The following DHRS12 variants were observed in gnomAD, a reference collection of about 807,000 sequenced individuals.
DHRS12 encodes dehydrogenase/reductase 12.
DHRS12 carries 29 observed loss-of-function variants against 32.1 expected under a neutral mutation model. The ratio of observed to expected loss-of-function variants is 0.90; its 90% CI spans 0.67 to 1.23. The LOEUF (loss-of-function observed/expected upper bound fraction) is 1.23. DHRS12 is among the 50% of genes most tolerant of loss of function. The pLI is 0.00. For synonymous variants in DHRS12, 150 were observed against 135.9 expected (o/e 1.10, Z -0.72); for missense variants, 330 against 337.2 (o/e 0.98, Z 0.17).
At chr13:51,761,873 C>G in the DHRS12 span, 1 of 152,216 alleles carries the variant, frequency 6.6e-6, no homozygotes, top group Non-Finnish European at 1.5e-5. Flanking sequence ...GAGGCACACA[C>G]GCATGCCCCG....
chr13:51,800,212 G>A (rs1955690034), intron 1 of DHRS12, among the ~76,000 whole-genome samples: 1 of 152,230 alleles, frequency 6.6e-6, no homozygotes. Flanking sequence ...TCTAGGGAGT[G>A]CCATTCGGAT....
intron 4 of DHRS12, among the ~76,000 whole-genome samples, chr13:51,785,894 C>G (rs1954932854): frequency 6.6e-6 from 1 of 152,214 alleles, no homozygotes; most frequent in Admixed American, 6.5e-5. Flanking sequence ...TACCTCTGAG[C>G]CTCAGTTTCC....
intron 4 of DHRS12, among the ~76,000 whole-genome samples, chr13:51,787,929 ACT>A (rs869291911): frequency 2.7e-4 from 5 of 18,272 alleles, no homozygotes; most frequent in Non-Finnish European, 4.6e-4. Flanking sequence ...TATAATATAT[ACT>A]TATATATATA....
In DHRS12 at chr13:51,797,034, T is replaced by C. The variant is rs373342337; in HGVS notation, c.126+2500A>G. 1.4e-4 allele frequency among the ~76,000 whole-genome samples: 22 copies of C among 152,270 alleles called. No individual in the cohort carries two copies. The East Asian group carries it at 4.1e-3, about 28-fold the overall frequency. On this transcript the variant is annotated intron_variant, in intron 2 of 8. Coordinates refer to ENST00000444610, the MANE Select transcript of DHRS12 (RefSeq NM_001377533.1). Reference sequence around the variant, plus strand: ...TCCCCAGCTTCCCTCCTACAGGCCCTCCAATTGTGGGGTCTCCTAGAGAAG... The same window carrying C: ...TCCCCAGCTTCCCTCCTACAGGCCCCCCAATTGTGGGGTCTCCTAGAGAAG...
At position 51,782,082 on chromosome 13, in the gene DHRS12, C is replaced by G. The variant is rs1197280808; in HGVS notation, c.302-4961G>C. On this transcript the variant is annotated intron_variant, in intron 4 of 8. Coordinates refer to ENST00000444610, the MANE Select transcript of DHRS12 (RefSeq NM_001377533.1). The surrounding 1 kb of genome is among the most constrained non-coding windows in gnomAD (Gnocchi z 4.2). ...GAAGTGAGGGGGTGTCAAGGACAAG[C>G]GGTGACGGAGATGATGCTGGCCACT... is the stretch of plus-strand genomic sequence containing the variant. 6.6e-6 allele frequency among the ~76,000 whole-genome samples: 1 copy of G among 152,056 alleles called. No homozygotes were observed. Among genetic ancestry groups the G allele is most frequent in the Non-Finnish European group, 1.5e-5 (1 of 68,008 alleles).
At chr13:51,763,519 C>T (rs1953654213), downstream of DHRS12, 1 of 152,174 alleles carries the variant, frequency 6.6e-6, no homozygotes, top group Non-Finnish European at 1.5e-5. Flanking sequence ...AAAGTAAAGG[C>T]CAGGTGCCAT....
intron 8 of DHRS12, chr13:51,768,714 C>T (rs938724261): frequency 8.9e-7 from 1 of 1,126,048 alleles, no homozygotes; most frequent in South Asian, 2.8e-5. Flanking sequence ...CACACGCCTG[C>T]CCCCTTAGGA....
chr13:51,777,147 A>AG (rs1314022848), intron 4 of DHRS12, 26 bp from the exon 5 acceptor site: 1 of 1,613,608 alleles, frequency 6.2e-7, no homozygotes, highest in East Asian at 2.2e-5. Flanking sequence ...GCATCCCATG[A>AG]GGGGGCTGCA....
At chr13:51,778,896 T>A (rs1954569958) in intron 4 of DHRS12, among the ~76,000 whole-genome samples, 1 of 152,174 alleles carries the variant, frequency 6.6e-6, no homozygotes, top group Non-Finnish European at 1.5e-5. Flanking sequence ...TAAGTATGTA[T>A]GTGCATACAT....
chr13:51,788,319 G>A (rs1955092899), intron 4 of DHRS12, among the ~76,000 whole-genome samples: 1 of 152,054 alleles, frequency 6.6e-6, no homozygotes, highest in African/African-American at 2.4e-5. Context: ...GGTCATTTCA[G>A]CAAAGATAAC....
At position 51,804,088 on chromosome 13, in the gene DHRS12, C is replaced by G; in HGVS notation, c.-43G>C. 1 of 1,494,344 alleles carries G rather than the reference C, an allele frequency of 6.7e-7. No homozygotes were observed. The highest frequency in any genetic ancestry group is 8.9e-7 in the Non-Finnish European group (1 of 1,128,668). The allele number at this position is 1,494,344 out of a possible 1,614,324, so 92.6% of individuals were successfully genotyped here. Reference sequence around the variant, plus strand: ...TCGCGCAGCCCCTTGGCGAACCACACGACGCTGCGGTACAGGGACATGCCG... The same window carrying G: ...TCGCGCAGCCCCTTGGCGAACCACAGGACGCTGCGGTACAGGGACATGCCG... On this transcript the variant is annotated 5_prime_UTR_variant, in exon 1 of 9. Coordinates refer to ENST00000444610, the MANE Select transcript of DHRS12 (RefSeq NM_001377533.1).
At chr13:51,784,026 C>A (rs909849468) in intron 4 of DHRS12, among the ~76,000 whole-genome samples, 1 of 152,202 alleles carries the variant, frequency 6.6e-6, no homozygotes, top group Non-Finnish European at 1.5e-5. Context: ...ATCTTCACTT[C>A]TGGCCTATAA....
chr13:51,767,881 ACCCC>A, downstream of DHRS12: 1 of 591,376 alleles, frequency 1.7e-6, no homozygotes, highest in Non-Finnish European at 2.2e-6. Context: ...TGCTGCCCCC[ACCCC>A]TGCGTCCCCT....
At chr13:51,771,358 A>G (rs770671299) in intron 7 of DHRS12, 1 of 1,612,976 alleles carries the variant, frequency 6.2e-7, no homozygotes, top group South Asian at 1.1e-5. Flanking sequence ...CCGCTGCTCC[A>G]ACACGCTTCC....
Position 51,776,023 on chromosome 13 carries a change from CTCCTACATGTAT to C in DHRS12, c.363+1025_363+1036del, listed in dbSNP as rs1166686878. The C allele has an allele frequency of 1.3e-4, 17 of 132,430 alleles. 1 individual carries two copies. The highest frequency in any genetic ancestry group is 2.0e-4 in the East Asian group (1 of 4,982). 8.2% of individuals were successfully genotyped at this position (132,430 alleles called of 1,614,324 possible). A position where few individuals can be genotyped will look rare whatever the true frequency, so the allele number is the denominator to read the frequency against. ...TCTACAGTATTCTCCTACATGTATT[CTCCTACATGTAT>C]TCTACAGTATTCTCCTACATGTATT... On this transcript the variant is annotated intron_variant, in intron 5 of 8. Transcript: ENST00000444610.
At chr13:51,789,619 A>T (rs1955166301) in intron 4 of DHRS12, 1 of 985,304 alleles carries the variant, frequency 1.0e-6, no homozygotes, top group Admixed American at 6.1e-5. Context: ...TGCTCTAGCC[A>T]ATGCGCTTCT....
intron 1 of DHRS12, among the ~76,000 whole-genome samples, chr13:51,799,899 C>T (rs1228168704): frequency 6.6e-6 from 1 of 152,170 alleles, no homozygotes; most frequent in African/African-American, 2.4e-5. Context: ...GAGATTCCAA[C>T]ATTTTGGCAT....
intron 2 of DHRS12, among the ~76,000 whole-genome samples, chr13:51,793,586 T>A (rs1334367340): frequency 6.6e-6 from 1 of 152,222 alleles, no homozygotes; most frequent in Non-Finnish European, 1.5e-5. Context: ...AACTGAATAT[T>A]CCTCTGCCTT....
intron 1 of DHRS12, among the ~76,000 whole-genome samples, chr13:51,801,698 T>C (rs1955762348): frequency 6.6e-6 from 1 of 152,062 alleles, no homozygotes; most frequent in Admixed American, 6.5e-5. Context: ...CCTGAGTCAA[T>C]GAATAGGGGC....
Sources: allele counts gnomAD v4.1 joint callset (sites outside exome capture counted in the v4.1 genomes callset), GRCh38; gene constraint gnomAD v4.1.1; non-coding constraint Gnocchi (gnomAD v3.1); transcripts MANE v1.5; gene names NCBI Gene and HGNC (gene_info 2026-07-23, HGNC 2026-07-21).